Variants in ZSWIM4 observed in about 807,000 individuals in gnomAD.
The protein encoded by ZSWIM4 is zinc finger SWIM-type containing 4.
A neutral mutation model predicts 102.5 loss-of-function variants in ZSWIM4; 62 were observed. The observed-to-expected ratio is 0.60, with a 90% CI of 0.49 to 0.75. The LOEUF (loss-of-function observed/expected upper bound fraction) is 0.75, where lower values mean the gene tolerates loss of function less well. Ranked by LOEUF, ZSWIM4 falls within the 30% of genes least tolerant of loss-of-function variation. The pLI, the probability that ZSWIM4 is intolerant of heterozygous loss-of-function variation, is 0.00. For missense variants in ZSWIM4, 1,280 were observed against 1,529.6 expected, an observed-to-expected ratio of 0.84 and a Z score of 2.72; for synonymous variants, 652 against 674.5, an observed-to-expected ratio of 0.97 and a Z score of 0.52.
rs1169265614 is a variant in ZSWIM4 at position 13,825,184 on chromosome 19, C to T, written c.2216-366C>T. On this transcript the variant is annotated intron_variant, in intron 11 of 13. Transcript: ENST00000590508. The surrounding 1 kb of genome is among the most constrained non-coding windows in gnomAD (Gnocchi z 4.6). ...CCTCCCAAGTAGCTGGGATTACAGG[C>T]ACCCGCCACCATGCCCAGCTAATTT... is the stretch of plus-strand genomic sequence containing the variant. 6.6e-6 allele frequency among the ~76,000 whole-genome samples: 1 copy of T among 151,970 alleles called. No individual in the cohort carries two copies. Among genetic ancestry groups the T allele is most frequent in the Non-Finnish European group, 1.5e-5 (1 of 67,988 alleles).
At chr19:13,813,301 T>C in intron 6 of ZSWIM4, 137 bp downstream of exon 6, 1 of 746,374 alleles carries the variant, frequency 1.3e-6, no homozygotes. Context: ...TTGGCTGTTC[T>C]TCCAGGACTA....
chr19:13,797,946 C>T (rs992321992), intron 1 of ZSWIM4, among the ~76,000 whole-genome samples: 4 of 152,274 alleles, frequency 2.6e-5, no homozygotes, highest in East Asian at 1.9e-4. Flanking sequence ...CATGAGCCAC[C>T]GCACCCGGAC....
In ZSWIM4 at chr19:13,804,908, G is replaced by A. The variant is rs759721253; in HGVS notation, c.472G>A (p.Asp158Asn). Residue 158 changes from aspartate to asparagine, a missense_variant, in exon 3 of 14, where the codon GAC becomes AAC. Coordinates refer to ENST00000590508, the MANE Select transcript of ZSWIM4 (RefSeq NM_001367834.3). ...CKITSVSCGC[D>N]NRDLFYCAHV... ...GATCACGTCCGTGAGCTGCGGCTGT[G>A]ACAACCGCGACCTCTTCTACTGTGC... 2 of 1,613,538 alleles carry A rather than the reference G, an allele frequency of 1.2e-6. No individual in the cohort carries two copies. Among genetic ancestry groups the A allele is most frequent in the Non-Finnish European group, 1.7e-6 (2 of 1,180,026 alleles).
chr19:13,823,327 C>T lies in ZSWIM4; in HGVS notation c.2061-19C>T. 1.2e-6 allele frequency: 2 copies of T among 1,605,146 alleles called. No individual in the cohort carries two copies. The highest frequency in any genetic ancestry group is 1.7e-5 in the Admixed American group (1 of 59,576). ...ACAGCAGCCCCTCCTCACCATGGCTCACTTCTCCCCTTACCCAGGCTGCCC... is the reference window on the plus strand; with the variant it reads ...ACAGCAGCCCCTCCTCACCATGGCTTACTTCTCCCCTTACCCAGGCTGCCC... On this transcript the variant is annotated intron_variant, in intron 10 of 13. Coordinates refer to ENST00000590508, the MANE Select transcript of ZSWIM4 (RefSeq NM_001367834.3).
At position 13,809,042 on chromosome 19, in the gene ZSWIM4, C is replaced by A. The variant is rs1040015024; in HGVS notation, c.862-28C>A. On this transcript the variant is annotated intron_variant, in intron 4 of 13. Coordinates refer to ENST00000590508, the MANE Select transcript of ZSWIM4 (RefSeq NM_001367834.3). The surrounding 1 kb of genome is among the most constrained non-coding windows in gnomAD (Gnocchi z 4.2). ...GAAGGCCCCGGCGGACGCCCCAGCC[C>A]TTCCTCACCACCCTGTCCCCGGCAC... is the stretch of plus-strand genomic sequence containing the variant. 3.1e-6 allele frequency: 5 copies of A among 1,607,596 alleles called. No individual in the cohort carries two copies. The highest frequency in any genetic ancestry group is 4.3e-6 in the Non-Finnish European group (5 of 1,175,372).
chr19:13,797,008 C>T (rs1336406861), intron 1 of ZSWIM4: 1 of 152,374 alleles, frequency 6.6e-6, no homozygotes, highest in Non-Finnish European at 1.5e-5. Flanking sequence ...TCTCCCACTT[C>T]CCCTAGAAAC....
intron 11 of ZSWIM4, among the ~76,000 whole-genome samples, chr19:13,824,105 AGAGAGAGAGG>A (rs1386138002): frequency 6.6e-6 from 1 of 151,090 alleles, no homozygotes; most frequent in African/African-American, 2.4e-5. Context: ...AGGGGGGGAT[AGAGAGAGAGG>A]GAGAGAGAGG....
Position 13,798,978 on chromosome 19 carries a change from G to A in ZSWIM4, c.154-742G>A, listed in dbSNP as rs181036180. On this transcript the variant is annotated intron_variant, in intron 1 of 13. Transcript: ENST00000590508. ...TAATTTTTGTATTTTTAGTAGAGAC[G>A]GGGTTTCGCCATGTTGGCCAGGCTG... is the stretch of plus-strand genomic sequence containing the variant. Among the ~76,000 whole-genome samples, 905 of 151,680 alleles carry A rather than the reference G, an allele frequency of 6.0e-3. 8 individuals are homozygous for A. Among genetic ancestry groups the A allele is most frequent in the African/African-American group, 0.02 (842 of 41,364 alleles).
chr19:13,811,552 T>G lies in ZSWIM4; in HGVS notation c.1013-1445T>G, dbSNP rs551777063. On this transcript the variant is annotated intron_variant, in intron 5 of 13. Coordinates refer to ENST00000590508, the MANE Select transcript of ZSWIM4 (RefSeq NM_001367834.3). The stretch of plus-strand genomic sequence containing the variant: ...CTCAACAACAACAAAAAAAGGCGCT[T>G]GGCACAGTGGCAGGAGCCTGTACTC... Among the ~76,000 whole-genome samples, 7 of 151,852 alleles carry G rather than the reference T, an allele frequency of 4.6e-5. No homozygotes were observed. In the East Asian group the frequency reaches 1.4e-3, roughly 30 times the overall value.
chr19:13,809,301 G>A lies in ZSWIM4; in HGVS notation c.1012+81G>A, dbSNP rs1355310175. The A allele has an allele frequency of 1.3e-6, 2 of 1,494,040 alleles. No homozygotes were observed. Among genetic ancestry groups the A allele is most frequent in the African/African-American group, 2.8e-5 (2 of 71,674 alleles). The allele number at this position is 1,494,040 out of a possible 1,614,324, so 92.5% of individuals were successfully genotyped here. A position where few individuals can be genotyped will look rare whatever the true frequency, so the allele number is the denominator to read the frequency against. On this transcript the variant is annotated intron_variant, in intron 5 of 13. Transcript: ENST00000590508. The surrounding 1 kb of genome is among the most constrained non-coding windows in gnomAD (Gnocchi z 4.2). ...CTGGCCCACTCCAAGATTAGGGTCT[G>A]TTCCCTGAATCCGCCCTCCATTCGT...
chr19:13,823,220 T>A (rs1478541890), intron 10 of ZSWIM4, 126 bp from the exon 11 acceptor site: 2 of 898,346 alleles, frequency 2.2e-6, no homozygotes, highest in Non-Finnish European at 3.4e-6. Context: ...ACATCTTCCA[T>A]CATCTTGGGC....
At chr19:13,806,470 C>T (rs374660927) in intron 3 of ZSWIM4, among the ~76,000 whole-genome samples, 17 of 152,018 alleles carry the variant, frequency 1.1e-4, no homozygotes, top group African/African-American at 2.4e-4. Context: ...AGTTCAAGAC[C>T]GGCCTGGGCA....
chr19:13,814,763 C>T lies in ZSWIM4; in HGVS notation c.1429C>T (p.His477Tyr), dbSNP rs1384919569. 1.6e-6 allele frequency: 2 copies of T among 1,287,240 alleles called. No individual in the cohort carries two copies. The highest frequency in any genetic ancestry group is 5.6e-5 in the East Asian group (1 of 17,908). 79.7% of individuals were successfully genotyped at this position (1,287,240 alleles called of 1,614,324 possible). A position where few individuals can be genotyped will look rare whatever the true frequency, so the allele number is the denominator to read the frequency against. Reference protein sequence around the residue: ...ACARVDTLRAHGYPRQALRLA... With the variant: ...ACARVDTLRAYGYPRQALRLA... ...TGCCCGTGTGGACACCCTGCGTGCC[C>T]ACGGATACCCCCGCCAGGCCCTGCG... The change falls in exon 7 of 14, where the codon CAC (histidine) becomes TAC (tyrosine). Residue 477 changes from histidine (H) to tyrosine (Y), a missense_variant. Coordinates refer to ENST00000590508, the MANE Select transcript of ZSWIM4 (RefSeq NM_001367834.3).
intron 10 of ZSWIM4, among the ~76,000 whole-genome samples, chr19:13,820,827 C>T (rs1030322559): frequency 2.0e-5 from 3 of 151,134 alleles, no homozygotes; most frequent in South Asian, 2.1e-4. Flanking sequence ...TCACACAGTA[C>T]GTGAATCACT....
intron 13 of ZSWIM4, 38 bp from the exon 14 acceptor site, chr19:13,830,153 C>T: frequency 6.3e-7 from 1 of 1,587,102 alleles, no homozygotes; most frequent in East Asian, 2.2e-5. Flanking sequence ...GTGTCTGCCC[C>T]CGCTCCTGAC....
At chr19:13,813,416 C>G (rs1007679639) in intron 6 of ZSWIM4, among the ~76,000 whole-genome samples, 2 of 152,128 alleles carry the variant, frequency 1.3e-5, no homozygotes, top group African/African-American at 4.8e-5. Context: ...CAGTCCTGGG[C>G]TGGTCTGGCT....
At chr19:13,817,626 T>C in intron 8 of ZSWIM4, 96 bp from the exon 9 acceptor site, 2 of 1,463,692 alleles carry the variant, frequency 1.4e-6, no homozygotes, top group Non-Finnish European at 1.8e-6. Context: ...CTCTAAAGCC[T>C]ACCCTGCGCC....
chr19:13,795,911 AC>A, intron 1 of ZSWIM4, 110 bp downstream of exon 1: 1 of 642,072 alleles, frequency 1.6e-6, no homozygotes, highest in East Asian at 4.6e-5. Flanking sequence ...AATCAGAGAC[AC>A]CCCCTGAGAT....
In ZSWIM4 at chr19:13,830,648, C is replaced by T. The variant is rs1975737708; in HGVS notation, c.2919C>T (p.Ser973=). 6.2e-7 allele frequency: 1 copy of T among 1,601,712 alleles called. No individual in the cohort carries two copies. The highest frequency in any genetic ancestry group is 8.5e-7 in the Non-Finnish European group (1 of 1,179,776). ...TTTGGGCCTGCTCTCTCAGCCACTC[C>T]CTGGGCCGGCACGAGCTCTCTGCCA... ...DVLWACSLSH[S]LGRHELSAIV... is the part of the protein sequence containing the mutation. The change falls in exon 14 of 14, where the codon TCC becomes TCT. Residue 973 remains serine (S), a synonymous_variant. Coordinates refer to ENST00000590508, the MANE Select transcript of ZSWIM4 (RefSeq NM_001367834.3).
Sources: allele counts gnomAD v4.1 joint callset (sites outside exome capture counted in the v4.1 genomes callset), GRCh38; gene constraint gnomAD v4.1.1; non-coding constraint Gnocchi (gnomAD v3.1); transcripts MANE v1.5; gene names NCBI Gene and HGNC (gene_info 2026-07-23, HGNC 2026-07-21).